Variants in TUSC3 observed in about 807,000 individuals in gnomAD.
TUSC3 encodes tumor suppressor candidate 3.
Under a neutral mutation model 44.8 loss-of-function variants are expected in TUSC3, and 45 were observed. The observed-to-expected ratio is 1.00, with a 90% CI of 0.79 to 1.29. TUSC3 has a LOEUF of 1.29. Ranked by LOEUF, TUSC3 falls within the 50% of genes most tolerant of loss-of-function variation. TUSC3 has a pLI of 0.00. For synonymous variants in TUSC3, 212 were observed against 152.9 expected, an observed-to-expected ratio of 1.39 and a Z score of -2.85; for missense variants, 519 against 437.9, an observed-to-expected ratio of 1.19 and a Z score of -1.65.
chr8:15,661,915 A>G (rs1807443529), intron 4 of TUSC3, among the ~76,000 whole-genome samples: 1 of 152,064 alleles, frequency 6.6e-6, no homozygotes, highest in African/African-American at 2.4e-5. Context: ...ATAGCTGATA[A>G]GCACATGAAA....
At chr8:15,480,924 T>G (rs1256353767) in intron 1 of TUSC3, among the ~76,000 whole-genome samples, 1 of 152,138 alleles carries the variant, frequency 6.6e-6, no homozygotes, top group East Asian at 1.9e-4. Context: ...TAGCATGGAT[T>G]GGAAACTTAA....
intron 1 of TUSC3, among the ~76,000 whole-genome samples, chr8:15,581,373 C>G (rs1803324162): frequency 6.7e-6 from 1 of 150,072 alleles, no homozygotes; most frequent in African/African-American, 2.5e-5. Context: ...AACTGCGTTC[C>G]TTTGGAGGAG....
intron 1 of TUSC3, among the ~76,000 whole-genome samples, chr8:15,601,020 G>A (rs949864997): frequency 3.3e-5 from 5 of 151,474 alleles, no homozygotes; most frequent in African/African-American, 1.2e-4. Context: ...CTGAAATCAA[G>A]AGTACAAGTA....
chr8:15,495,647 G>A (rs1420489477), intron 2 of TUSC3, among the ~76,000 whole-genome samples: 1 of 152,076 alleles, frequency 6.6e-6, no homozygotes, highest in African/African-American at 2.4e-5. Context: ...AGCTCCCTTT[G>A]GGGGGCAGTA....
At chr8:15,771,411 C>T (rs953286518), downstream of TUSC3, among the ~76,000 whole-genome samples, 2 of 152,066 alleles carry the variant, frequency 1.3e-5, no homozygotes, top group African/African-American at 4.8e-5. Context: ...GTTGAAGAGT[C>T]CTTCAAGCTG....
the TUSC3 span, among the ~76,000 whole-genome samples, chr8:15,797,545 G>T: frequency 6.6e-6 from 1 of 152,138 alleles, no homozygotes; most frequent in Non-Finnish European, 1.5e-5. Flanking sequence ...GGCCACTGAG[G>T]ATGAACATTC....
chr8:15,692,516 A>G (rs947527912), intron 6 of TUSC3, among the ~76,000 whole-genome samples: 1 of 150,892 alleles, frequency 6.6e-6, no homozygotes, highest in African/African-American at 2.4e-5. Flanking sequence ...TACTTATTCA[A>G]TTTCAAAACT....
intron 1 of TUSC3, among the ~76,000 whole-genome samples, chr8:15,442,228 T>C (rs1263112778): frequency 6.6e-6 from 1 of 152,140 alleles, no homozygotes; most frequent in African/African-American, 2.4e-5. Context: ...ATACTACCTA[T>C]ACTATTCATA....
chr8:15,552,716 A>T (rs139310180), intron 1 of TUSC3, among the ~76,000 whole-genome samples: 28 of 151,832 alleles, frequency 1.8e-4, no homozygotes, highest in African/African-American at 6.7e-4. Flanking sequence ...TTCTTAAGCC[A>T]TGTTAAAGAA....
chr8:15,777,551 A>T, the TUSC3 span, among the ~76,000 whole-genome samples: 1 of 152,202 alleles, frequency 6.6e-6, no homozygotes, highest in Admixed American at 6.5e-5. Context: ...AAATCTCTGA[A>T]TTGAAGCAGA....
chr8:15,543,020 G>C (rs757544992), intron 1 of TUSC3, among the ~76,000 whole-genome samples: 1 of 152,154 alleles, frequency 6.6e-6, no homozygotes, highest in Non-Finnish European at 1.5e-5. Context: ...TACTCACTAA[G>C]TTCACAAACT....
intron 6 of TUSC3, among the ~76,000 whole-genome samples, chr8:15,713,624 T>C (rs1189057592): frequency 1.3e-5 from 2 of 152,074 alleles, no homozygotes; most frequent in African/African-American, 4.8e-5. Flanking sequence ...TTGAGGTCTT[T>C]CCTCTTGGAT....
chr8:15,608,005 TG>T (rs1181301176), intron 1 of TUSC3, among the ~76,000 whole-genome samples: 1 of 152,226 alleles, frequency 6.6e-6, no homozygotes, highest in African/African-American at 2.4e-5. Context: ...AAGTGCAGTT[TG>T]GGGTTTCCTT....
intron 1 of TUSC3, among the ~76,000 whole-genome samples, chr8:15,458,101 G>C (rs1800285813): frequency 6.6e-6 from 1 of 152,012 alleles, no homozygotes; most frequent in Non-Finnish European, 1.5e-5. Context: ...AATGAAATGA[G>C]GAAATGAAGG....
At chr8:15,799,967 C>A in the TUSC3 span, among the ~76,000 whole-genome samples, 3 of 152,170 alleles carry the variant, frequency 2.0e-5, no homozygotes, top group Non-Finnish European at 4.4e-5. Flanking sequence ...GGCCCCTGCA[C>A]ATTCAGTAGG....
the TUSC3 span, among the ~76,000 whole-genome samples, chr8:15,803,448 G>A: frequency 6.6e-6 from 1 of 150,926 alleles, no homozygotes; most frequent in Admixed American, 6.6e-5. Flanking sequence ...GTCACATTAA[G>A]CAAGAACTAA....
chr8:15,460,480 G>T (rs1424133645), intron 1 of TUSC3, among the ~76,000 whole-genome samples: 1 of 152,074 alleles, frequency 6.6e-6, no homozygotes, highest in African/African-American at 2.4e-5. Flanking sequence ...CCCACTCTGT[G>T]GGTTGTCTGT....
intron 6 of TUSC3, among the ~76,000 whole-genome samples, chr8:15,728,404 G>A (rs954353419): frequency 7.2e-6 from 1 of 139,506 alleles, no homozygotes; most frequent in Admixed American, 7.1e-5. Context: ...ATTTGGAATG[G>A]ATTTTGAAAG....
chr8:15,671,892 G>A (rs907710895), intron 5 of TUSC3, among the ~76,000 whole-genome samples: 3 of 151,886 alleles, frequency 2.0e-5, no homozygotes, highest in Admixed American at 2.0e-4. Flanking sequence ...TCTAGCTGAG[G>A]ATGGCAAGCC....
Sources: allele counts gnomAD v4.1 joint callset (sites outside exome capture counted in the v4.1 genomes callset), GRCh38; gene constraint gnomAD v4.1.1; transcripts MANE v1.5; gene names NCBI Gene and HGNC (gene_info 2026-07-23, HGNC 2026-07-21).